Variants in KDM4C observed in about 807,000 individuals in gnomAD.
KDM4C encodes the protein lysine demethylase 4C, also known as lysine-specific demethylase 4C.
KDM4C carries 81 observed loss-of-function variants against 129.3 expected under a neutral mutation model. The observed-to-expected ratio is 0.63, with a 90% CI of 0.52 to 0.75. KDM4C has a LOEUF of 0.75. KDM4C is among the 30% of genes least tolerant of loss of function. KDM4C has a pLI of 0.00. For synonymous variants in KDM4C, 573 were observed against 456.1 expected (o/e 1.26, Z -3.26); for missense variants, 1,457 against 1,304.0 (o/e 1.12, Z -1.81).
intron 1 of KDM4C, among the ~76,000 whole-genome samples, chr9:6,747,003 C>CAAAAAAA (rs58512756): frequency 5.2e-4 from 26 of 50,466 alleles, no homozygotes; most frequent in Non-Finnish European, 7.6e-4. Context: ...GACTCCGTCT[C>CAAAAAAA]AAAAAAAAAA....
intron 1 of KDM4C, among the ~76,000 whole-genome samples, chr9:6,780,974 T>C (rs998279956): frequency 3.3e-5 from 5 of 152,110 alleles, no homozygotes; most frequent in Non-Finnish European, 4.4e-5. Flanking sequence ...CTCTTGATTC[T>C]ACTTTTCTCT....
At chr9:6,811,234 A>C (rs1313118675) in intron 3 of KDM4C, among the ~76,000 whole-genome samples, 1 of 151,766 alleles carries the variant, frequency 6.6e-6, no homozygotes, top group South Asian at 2.1e-4. Flanking sequence ...GCTCACTGCA[A>C]CCTCCGCCTG....
At chr9:7,171,541 G>T (rs1237506094) in intron 21 of KDM4C, among the ~76,000 whole-genome samples, 1 of 152,134 alleles carries the variant, frequency 6.6e-6, no homozygotes, top group Admixed American at 6.5e-5. Context: ...ATGGGGAGTG[G>T]AGTAGGTAGC....
At chr9:7,133,308 C>G (rs901187775) in intron 19 of KDM4C, among the ~76,000 whole-genome samples, 1 of 152,132 alleles carries the variant, frequency 6.6e-6, no homozygotes, top group Non-Finnish European at 1.5e-5. Context: ...GAACTTCATG[C>G]CTACTTGTCA....
chr9:6,902,747 T>G (rs1453804331), intron 8 of KDM4C: 5 of 152,180 alleles, frequency 3.3e-5, no homozygotes, highest in Non-Finnish European at 5.9e-5. Context: ...GGACAGTGTT[T>G]GCAGGGTAAG....
intron 15 of KDM4C, among the ~76,000 whole-genome samples, chr9:7,026,346 A>G (rs1825817712): frequency 6.6e-6 from 1 of 151,992 alleles, no homozygotes; most frequent in Admixed American, 6.6e-5. Flanking sequence ...TTTTCACCAG[A>G]TATACTATTT....
At chr9:7,038,856 T>G (rs1828090277) in intron 15 of KDM4C, among the ~76,000 whole-genome samples, 1 of 152,046 alleles carries the variant, frequency 6.6e-6, no homozygotes, top group East Asian at 1.9e-4. Context: ...TCTTTATTCT[T>G]GAGGTTGGTT....
intron 8 of KDM4C, chr9:6,978,943 A>G (rs978659986): frequency 2.1e-5 from 3 of 140,690 alleles, no homozygotes; most frequent in East Asian, 4.7e-4. Flanking sequence ...AATAAGGTCA[A>G]AGGTTTTTTT....
chr9:7,051,433 C>G (rs892724670), intron 17 of KDM4C, among the ~76,000 whole-genome samples: 2 of 152,096 alleles, frequency 1.3e-5, no homozygotes, highest in African/African-American at 4.8e-5. Context: ...ATACAATTTA[C>G]TTATGTGGGG....
At chr9:7,160,917 C>A (rs1318015448) in intron 19 of KDM4C, among the ~76,000 whole-genome samples, 2 of 152,222 alleles carry the variant, frequency 1.3e-5, no homozygotes, top group Non-Finnish European at 2.9e-5. Context: ...GTCTTTTGTT[C>A]AGCTATGCCC....
At chr9:6,889,916 C>G (rs1479584580) in intron 7 of KDM4C, among the ~76,000 whole-genome samples, 1 of 152,212 alleles carries the variant, frequency 6.6e-6, no homozygotes, top group South Asian at 2.1e-4. Flanking sequence ...GGCTGCAGCT[C>G]TCTACCAGTA....
At chr9:7,096,692 C>T (rs750207892) in intron 17 of KDM4C, among the ~76,000 whole-genome samples, 56 of 152,026 alleles carry the variant, frequency 3.7e-4, no homozygotes, top group Admixed American at 5.2e-4. Flanking sequence ...GCTTAGAATT[C>T]GTCCAACTGT....
At chr9:7,115,023 G>T (rs1838742364) in intron 18 of KDM4C, among the ~76,000 whole-genome samples, 1 of 152,120 alleles carries the variant, frequency 6.6e-6, no homozygotes, top group Non-Finnish European at 1.5e-5. Context: ...AGATTGCAGT[G>T]AGCCAAGATT....
At chr9:6,767,323 A>G (rs1295777280) in intron 1 of KDM4C, among the ~76,000 whole-genome samples, 1 of 148,994 alleles carries the variant, frequency 6.7e-6, no homozygotes, top group African/African-American at 2.5e-5. Context: ...TTGTGTTTTT[A>G]GTGGAGACAG....
At chr9:7,101,150 T>C (rs1174100140) in intron 17 of KDM4C, among the ~76,000 whole-genome samples, 3 of 152,226 alleles carry the variant, frequency 2.0e-5, no homozygotes, top group African/African-American at 7.2e-5. Context: ...TCCCCAGGCA[T>C]GATTCATTAA....
chr9:6,952,683 C>A (rs537862763), intron 8 of KDM4C, among the ~76,000 whole-genome samples: 7 of 152,180 alleles, frequency 4.6e-5, no homozygotes, highest in African/African-American at 1.7e-4. Context: ...TCAGTTGATT[C>A]ACCTGCCTTG....
In KDM4C at chr9:6,866,995, GTGTGTATA is replaced by G. The variant is rs1331347403; in HGVS notation, c.630-13015_630-13008del. 9.5e-5 allele frequency among the ~76,000 whole-genome samples: 3 copies of G among 31,436 alleles called. No homozygotes were observed. The South Asian group carries it at 7.5e-3, about 79-fold the overall frequency. The allele number at this position is 31,436 out of a possible 152,430, so 20.6% of individuals were successfully genotyped here. On this transcript the variant is annotated intron_variant, in intron 5 of 21. Transcript: ENST00000381309. ...TTTGTGTGTGTGTGTGTGTGTGTGT[GTGTGTATA>G]TATATATATATATATTTTTTTTTTT...
intron 11 of KDM4C, 24 bp downstream of exon 11, chr9:6,986,690 A>G (rs1466966782): frequency 1.3e-6 from 2 of 1,533,954 alleles, no homozygotes; most frequent in Non-Finnish European, 1.8e-6. Context: ...TCCATTTTTT[A>G]CCATATTCAT....
At chr9:6,882,593 A>G (rs1276336488) in intron 6 of KDM4C, among the ~76,000 whole-genome samples, 3 of 152,214 alleles carry the variant, frequency 2.0e-5, no homozygotes, top group Admixed American at 6.5e-5. Context: ...AGTGTGAACA[A>G]TTAGGAGGAA....
Sources: gnomAD v4.1 joint callset for allele counts (sites outside exome capture counted in the v4.1 genomes callset) on GRCh38, gnomAD v4.1.1 for gene constraint, MANE v1.5 for transcripts, NCBI Gene and HGNC (gene_info 2026-07-23, HGNC 2026-07-21) for gene names.